Variants in SUMF1 observed in about 807,000 individuals in gnomAD.
SUMF1 encodes formylglycine-generating enzyme.
In SUMF1, 48 loss-of-function variants were observed where a neutral mutation model predicts 47.6. That is an observed-to-expected ratio of 1.01 (90% CI 0.80 to 1.28). The LOEUF (loss-of-function observed/expected upper bound fraction) is 1.28, where lower values mean the gene tolerates loss of function less well. Ranked by LOEUF, SUMF1 falls within the 50% of genes most tolerant of loss-of-function variation. SUMF1 has a pLI of 0.00. For missense variants in SUMF1, 571 were observed against 485.4 expected, an observed-to-expected ratio of 1.18 and a Z score of -1.66; for synonymous variants, 230 against 192.1, an observed-to-expected ratio of 1.20 and a Z score of -1.63.
intron 8 of SUMF1, among the ~76,000 whole-genome samples, chr3:4,225,275 C>T (rs1340496773): frequency 6.6e-6 from 1 of 152,128 alleles, no homozygotes; most frequent in African/African-American, 2.4e-5. Context: ...CCTGTCTATA[C>T]TAAGTACCCC....
chr3:4,196,464 C>A lies in SUMF1; in HGVS notation c.1015-127719G>T, dbSNP rs546934201. 4.6e-5 allele frequency among the ~76,000 whole-genome samples: 7 copies of A among 152,184 alleles called. No individual in the cohort carries two copies. In the South Asian group the frequency reaches 1.5e-3, roughly 32 times the overall value. On this transcript the variant is annotated intron_variant and NMD_transcript_variant, in intron 8 of 12. Transcript: ENST00000448413. ...GCAATTTTCTGGAAGGAGTTGCAGT[C>A]AAGGACTGAAACATCCTCTCCGAAG...
chr3:4,243,182 TATCTATTTTGTTGATCTTTTCA>T (rs1696583325), intron 8 of SUMF1, among the ~76,000 whole-genome samples: 2 of 152,190 alleles, frequency 1.3e-5, no homozygotes, highest in African/African-American at 4.8e-5. Flanking sequence ...GCTAGTGGTC[TATCTATTTTGTTGATCTTTTCA>T]ATAAACCAGC....
chr3:4,169,989 A>T (rs914361605), intron 8 of SUMF1, among the ~76,000 whole-genome samples: 2 of 152,186 alleles, frequency 1.3e-5, no homozygotes, highest in African/African-American at 2.4e-5. Context: ...AGAATGAGAC[A>T]AATGCCAAGC....
At chr3:4,198,036 T>C (rs1221754086) in intron 8 of SUMF1, among the ~76,000 whole-genome samples, 1 of 134,644 alleles carries the variant, frequency 7.4e-6, no homozygotes, top group East Asian at 2.3e-4. Context: ...TAGGCTTTTT[T>C]TTTTTTTTTC....
intron 8 of SUMF1, among the ~76,000 whole-genome samples, chr3:4,364,249 A>G (rs1575134837): frequency 8.3e-6 from 1 of 119,824 alleles, no homozygotes; most frequent in East Asian, 2.9e-4. Context: ...CAAATGAGTT[A>G]GGGAGGATTC....
At chr3:4,373,676 A>C (rs973328323) in intron 8 of SUMF1, among the ~76,000 whole-genome samples, 23 of 152,206 alleles carry the variant, frequency 1.5e-4, no homozygotes, top group Non-Finnish European at 3.1e-4. Context: ...AAAAATTTAA[A>C]ATAAGTTAAT....
chr3:4,296,400 G>A (rs1351321143), intron 8 of SUMF1, among the ~76,000 whole-genome samples: 1 of 151,892 alleles, frequency 6.6e-6, no homozygotes, highest in Non-Finnish European at 1.5e-5. Context: ...TCTGTTCTCA[G>A]GCTGCTAATA....
rs561122846 is a variant in SUMF1, at chr3:4,225,415, C to A, written c.1014+150915G>T. ...AAACTATTACTGTTTAAGCATTCATCAGGAATGAAGTCTCTGGGCTTCACA... is the reference window on the plus strand; with the variant it reads ...AAACTATTACTGTTTAAGCATTCATAAGGAATGAAGTCTCTGGGCTTCACA... On this transcript the variant is annotated intron_variant and NMD_transcript_variant, in intron 8 of 12. Transcript: ENST00000448413. 4.6e-5 allele frequency among the ~76,000 whole-genome samples: 7 copies of A among 152,212 alleles called. No homozygotes were observed. The East Asian group carries it at 1.4e-3, about 29-fold the overall frequency.
intron 8 of SUMF1, among the ~76,000 whole-genome samples, chr3:4,231,739 G>A (rs900787628): frequency 6.6e-6 from 1 of 152,212 alleles, no homozygotes; most frequent in Admixed American, 6.5e-5. Flanking sequence ...TGAGAAGTGT[G>A]TCAACAGCTG....
chr3:4,254,643 G>T (rs1401280611), intron 8 of SUMF1, among the ~76,000 whole-genome samples: 1 of 123,158 alleles, frequency 8.1e-6, no homozygotes, highest in Non-Finnish European at 1.9e-5. Context: ...TCTGATTGGT[G>T]TACCTGAAAG....
chr3:4,385,076 G>A (rs1330889474), intron 7 of SUMF1, among the ~76,000 whole-genome samples: 2 of 151,920 alleles, frequency 1.3e-5, no homozygotes, highest in African/African-American at 4.8e-5. Flanking sequence ...AGCACAGACA[G>A]GGTTTCACCA....
intron 8 of SUMF1, among the ~76,000 whole-genome samples, chr3:4,125,288 A>G (rs1693631783): frequency 6.6e-6 from 1 of 152,156 alleles, no homozygotes; most frequent in Admixed American, 6.5e-5. Context: ...GTTACCGGTT[A>G]TTACTGTACC....
intron 8 of SUMF1, among the ~76,000 whole-genome samples, chr3:4,230,995 C>T (rs1696286318): frequency 6.6e-6 from 1 of 152,084 alleles, no homozygotes; most frequent in Non-Finnish European, 1.5e-5. Flanking sequence ...TTTCATAACC[C>T]TATGTCTACA....
At chr3:4,135,246 C>A (rs143908499) in intron 8 of SUMF1, among the ~76,000 whole-genome samples, 11,817 of 152,138 alleles carry the variant, frequency 0.078, 533 homozygotes, top group East Asian at 0.12. Context: ...CAAAGTGAAT[C>A]CAGCAGCACA....
chr3:4,203,164 G>A (rs1372951380), intron 8 of SUMF1, among the ~76,000 whole-genome samples: 3 of 151,816 alleles, frequency 2.0e-5, no homozygotes, highest in African/African-American at 7.3e-5. Flanking sequence ...CTGTCTAAAG[G>A]TCTCTCCAAT....
intron 8 of SUMF1, among the ~76,000 whole-genome samples, chr3:4,132,745 A>G (rs1279145282): frequency 6.6e-6 from 1 of 152,142 alleles, no homozygotes; most frequent in African/African-American, 2.4e-5. Flanking sequence ...CAACAGGCTA[A>G]GAAGGGAGTT....
intron 8 of SUMF1, among the ~76,000 whole-genome samples, chr3:4,079,895 C>T (rs1692522692): frequency 6.6e-6 from 1 of 151,568 alleles, no homozygotes; most frequent in African/African-American, 2.4e-5. Context: ...CATATATTGT[C>T]TCCTTCAAAA....
intron 8 of SUMF1, among the ~76,000 whole-genome samples, chr3:4,128,517 G>A (rs1257512978): frequency 6.6e-6 from 1 of 152,042 alleles, no homozygotes; most frequent in Non-Finnish European, 1.5e-5. Context: ...AACAGTGTTG[G>A]CCTCCCCTGA....
At chr3:4,153,579 C>T (rs1044635011) in intron 8 of SUMF1, among the ~76,000 whole-genome samples, 1 of 150,238 alleles carries the variant, frequency 6.7e-6, no homozygotes, top group Non-Finnish European at 1.5e-5. Context: ...CAGAGGAACT[C>T]CTTATAAATA....
Sources: allele counts gnomAD v4.1 joint callset (sites outside exome capture counted in the v4.1 genomes callset), GRCh38; gene constraint gnomAD v4.1.1; transcripts MANE v1.5; gene names NCBI Gene and HGNC (gene_info 2026-07-23, HGNC 2026-07-21).